ABCD3: variants seen among roughly 807,000 people sequenced by gnomAD.
ABCD3 encodes the protein ATP binding cassette subfamily D member 3.
Under a neutral mutation model 105.5 loss-of-function variants are expected in ABCD3, and 41 were observed. The ratio of observed to expected loss-of-function variants is 0.39; its 90% CI spans 0.30 to 0.50. The LOEUF is 0.50. Among genes scored for constraint, ABCD3 ranks in the 20% least tolerant of loss-of-function variants. ABCD3 has a pLI of 0.84. For synonymous variants in ABCD3, 258 were observed against 269.0 expected (o/e 0.96, Z 0.40); for missense variants, 622 against 806.3 (o/e 0.77, Z 2.77).
chr1:94,462,185 G>T (rs927997759), intron 2 of ABCD3, among the ~76,000 whole-genome samples: 1 of 151,928 alleles, frequency 6.6e-6, no homozygotes, highest in Non-Finnish European at 1.5e-5. Context: ...TCACCACAGT[G>T]GTCTTTTTTT....
At chr1:94,440,257 T>G (rs1468420560) in intron 1 of ABCD3, among the ~76,000 whole-genome samples, 1 of 152,226 alleles carries the variant, frequency 6.6e-6, no homozygotes, top group Non-Finnish European at 1.5e-5. Flanking sequence ...AAGAGGAAGT[T>G]TGATTTAGGA....
the ABCD3 span, among the ~76,000 whole-genome samples, chr1:94,389,080 C>A: frequency 3.3e-5 from 5 of 152,182 alleles, no homozygotes; most frequent in South Asian, 2.1e-4. Flanking sequence ...CTATTGGTAT[C>A]GCACACTTCA....
chr1:94,504,243 A>G (rs771086116), intron 20 of ABCD3, among the ~76,000 whole-genome samples: 7 of 151,504 alleles, frequency 4.6e-5, no homozygotes, highest in Non-Finnish European at 4.4e-5. Flanking sequence ...TCAGCCTCCC[A>G]GGTAGCTGGG....
chr1:94,443,380 G>C (rs1482618716), intron 1 of ABCD3, among the ~76,000 whole-genome samples: 1 of 152,082 alleles, frequency 6.6e-6, no homozygotes, highest in East Asian at 1.9e-4. Flanking sequence ...TGGATGCATA[G>C]TTTGCAAATA....
intron 13 of ABCD3, among the ~76,000 whole-genome samples, chr1:94,488,681 A>G (rs952569884): frequency 1.3e-5 from 2 of 152,076 alleles, no homozygotes; most frequent in African/African-American, 2.4e-5. Context: ...TCTTCATGCA[A>G]TATAGAAGTT....
chr1:94,506,674 A>G (rs1650366258), intron 21 of ABCD3, 32 bp downstream of exon 21: 2 of 1,474,052 alleles, frequency 1.4e-6, no homozygotes, highest in Non-Finnish European at 1.9e-6. Context: ...TTGAGGAGCC[A>G]TGGCCTCCTA....
At chr1:94,430,877 A>C (rs1219939987) in intron 1 of ABCD3, among the ~76,000 whole-genome samples, 1 of 152,210 alleles carries the variant, frequency 6.6e-6, no homozygotes, top group Admixed American at 6.5e-5. Flanking sequence ...TCAAAGTTAA[A>C]TATACACCAT....
In ABCD3 at chr1:94,466,840, A is replaced by G. The variant is rs907352611; in HGVS notation, c.247-1079A>G. 2.6e-5 allele frequency among the ~76,000 whole-genome samples: 4 copies of G among 152,330 alleles called. No homozygotes were observed. The East Asian group carries it at 7.7e-4, about 29-fold the overall frequency. Reference sequence around the variant, plus strand: ...AACATTGGATGAGTCCCTGGGAATTAGTAAGGGAGGTAGAAGGGGCTAATT... The same window carrying G: ...AACATTGGATGAGTCCCTGGGAATTGGTAAGGGAGGTAGAAGGGGCTAATT... On this transcript the variant is annotated intron_variant, in intron 3 of 22. Coordinates refer to ENST00000370214, the MANE Select transcript of ABCD3 (RefSeq NM_002858.4).
the ABCD3 span, among the ~76,000 whole-genome samples, chr1:94,386,492 T>G: frequency 9.8e-5 from 15 of 152,338 alleles, no homozygotes; most frequent in Admixed American, 5.9e-4. Flanking sequence ...TACTTATTAT[T>G]TACAAGGCAG....
intron 8 of ABCD3, 81 bp from the exon 9 acceptor site, chr1:94,480,383 A>C: frequency 6.4e-7 from 1 of 1,559,782 alleles, no homozygotes. Flanking sequence ...GTTAATTATA[A>C]AAATTGTACA....
chr1:94,411,281 C>G, the ABCD3 span, among the ~76,000 whole-genome samples: 1 of 152,018 alleles, frequency 6.6e-6, no homozygotes, highest in African/African-American at 2.4e-5. Flanking sequence ...TACAACTCAA[C>G]AACAAAGAGA....
chr1:94,475,024 T>A, intron 5 of ABCD3, 119 bp from the exon 6 acceptor site: 1 of 692,938 alleles, frequency 1.4e-6, no homozygotes, highest in Non-Finnish European at 2.5e-6. Flanking sequence ...ATTATATAAA[T>A]TTGGACTAAA....
intron 1 of ABCD3, chr1:94,419,051 A>T (rs1340207762): frequency 2.9e-5 from 5 of 171,348 alleles, no homozygotes; most frequent in African/African-American, 1.2e-4. Context: ...GCCAGGCTGG[A>T]GGCTGGTGTC....
chr1:94,444,576 C>G (rs1660274296), intron 1 of ABCD3, among the ~76,000 whole-genome samples: 3 of 152,174 alleles, frequency 2.0e-5, no homozygotes, highest in South Asian at 4.2e-4. Flanking sequence ...TTAGTTGGAG[C>G]CTACAGATTT....
In ABCD3 at chr1:94,468,250, GACA is replaced by G. The variant is rs1376996216; in HGVS notation, c.335+244_335+246del. Among the ~76,000 whole-genome samples, 3 of 152,172 alleles carry G rather than the reference GACA, an allele frequency of 2.0e-5. No homozygotes were observed. In the East Asian group the frequency reaches 5.8e-4, roughly 29 times the overall value. On this transcript the variant is annotated intron_variant, in intron 4 of 22. Transcript: ENST00000370214. ...AAACTGTACCAAGCCTTGCTGAGCTGACAGTTTATCAAGAGTTAGAGACAGGTA... is the reference window on the plus strand; with the variant it reads ...AAACTGTACCAAGCCTTGCTGAGCTGGTTTATCAAGAGTTAGAGACAGGTA...
the ABCD3 span, among the ~76,000 whole-genome samples, chr1:94,398,849 G>A: frequency 1.3e-5 from 2 of 152,142 alleles, no homozygotes; most frequent in Non-Finnish European, 1.5e-5. Context: ...AGGAGGCAGA[G>A]GATGCAGTGA....
intron 21 of ABCD3, among the ~76,000 whole-genome samples, chr1:94,511,126 G>A (rs965750562): frequency 2.0e-5 from 3 of 151,926 alleles, no homozygotes; most frequent in Non-Finnish European, 4.4e-5. Flanking sequence ...GCAGCGGCTG[G>A]TACCAGTTGT....
chr1:94,487,887 T>G lies in ABCD3; in HGVS notation c.1066-5T>G. On this transcript the variant is annotated splice_polypyrimidine_tract_variant and splice_region_variant and intron_variant, in intron 12 of 22. Coordinates refer to ENST00000370214, the MANE Select transcript of ABCD3 (RefSeq NM_002858.4). ...AGTAAAAACTAATATTTATTTCTAT[T>G]TAAGGATTACTACCAAAGTGGAAGA... is the stretch of plus-strand genomic sequence containing the variant. The G allele has an allele frequency of 6.2e-7, 1 of 1,612,212 alleles. No homozygotes were observed. Among genetic ancestry groups the G allele is most frequent in the Non-Finnish European group, 8.5e-7 (1 of 1,178,434 alleles).
intron 10 of ABCD3, among the ~76,000 whole-genome samples, chr1:94,485,109 A>G (rs952093488): frequency 7.2e-5 from 11 of 152,240 alleles, no homozygotes; most frequent in South Asian, 4.1e-4. Context: ...GATTTGGACT[A>G]TGGGTCAGAG....
Sources: allele counts gnomAD v4.1 joint callset (sites outside exome capture counted in the v4.1 genomes callset), GRCh38; gene constraint gnomAD v4.1.1; transcripts MANE v1.5; gene names NCBI Gene and HGNC (gene_info 2026-07-23, HGNC 2026-07-21).